Variants in ADRA1B observed in about 807,000 individuals in gnomAD.
ADRA1B encodes the protein alpha-1B adrenergic receptor.
In ADRA1B, 17 loss-of-function variants were observed where a neutral mutation model predicts 17.9. The ratio of observed to expected loss-of-function variants is 0.95; its 90% CI spans 0.65 to 1.42. ADRA1B has a LOEUF of 1.42. Ranked by LOEUF, ADRA1B falls within the 40% of genes most tolerant of loss-of-function variation. The pLI, the probability that ADRA1B is intolerant of heterozygous loss-of-function variation, is 0.00. For missense variants in ADRA1B, 681 were observed against 722.1 expected, an observed-to-expected ratio of 0.94 and a Z score of 0.65; for synonymous variants, 366 against 327.6, an observed-to-expected ratio of 1.12 and a Z score of -1.27.
At chr5:159,922,141 T>G (rs745318903) in intron 1 of ADRA1B, among the ~76,000 whole-genome samples, 4 of 152,224 alleles carry the variant, frequency 2.6e-5, no homozygotes, top group Non-Finnish European at 5.9e-5. Flanking sequence ...GGCCCCTGAT[T>G]GAAGAAGGCT....
chr5:159,904,392 T>C (rs545805897), intron 1 of ADRA1B, among the ~76,000 whole-genome samples: 66 of 152,286 alleles, frequency 4.3e-4, no homozygotes, highest in African/African-American at 1.5e-3. Flanking sequence ...ATAAGCTAGG[T>C]TCTAGGAGAC....
intron 1 of ADRA1B, among the ~76,000 whole-genome samples, chr5:159,901,342 A>G (rs1419952517): frequency 1.4e-5 from 2 of 146,972 alleles, no homozygotes; most frequent in East Asian, 4.2e-4. Context: ...CAAATAAGTC[A>G]AATAGAACCC....
chr5:159,912,238 G>A (rs1754234496), upstream of ADRA1B, among the ~76,000 whole-genome samples: 1 of 152,212 alleles, frequency 6.6e-6, no homozygotes, highest in South Asian at 2.1e-4. Context: ...TGGGCCCAGA[G>A]TGGTTAAGTG....
intron 1 of ADRA1B, among the ~76,000 whole-genome samples, chr5:159,932,427 G>T (rs562856210): frequency 6.6e-6 from 1 of 152,066 alleles, no homozygotes; most frequent in South Asian, 2.1e-4. Context: ...CAAAGTGCTG[G>T]GATTACAAGC....
At chr5:159,948,467 A>G in intron 1 of ADRA1B, 2 of 983,874 alleles carry the variant, frequency 2.0e-6, no homozygotes, top group Non-Finnish European at 2.4e-6. Context: ...TCAAAAAGTA[A>G]CTTTTACTGG....
intron 1 of ADRA1B, among the ~76,000 whole-genome samples, chr5:159,930,892 A>G (rs1435173393): frequency 6.6e-6 from 1 of 151,302 alleles, no homozygotes; most frequent in Non-Finnish European, 1.5e-5. Context: ...GGTGGGGACT[A>G]TTAAACATTT....
At chr5:159,885,399 G>A (rs1753912641) in intron 1 of ADRA1B, among the ~76,000 whole-genome samples, 1 of 152,142 alleles carries the variant, frequency 6.6e-6, no homozygotes, top group Middle Eastern at 3.2e-3. Context: ...CTGCCTACCA[G>A]TGATTGGTCA....
chr5:159,988,307 T>G, the ADRA1B span, among the ~76,000 whole-genome samples: 1 of 152,144 alleles, frequency 6.6e-6, no homozygotes, highest in Non-Finnish European at 1.5e-5. Flanking sequence ...CGGGAAAGAA[T>G]CCCACTGCTG....
intron 1 of ADRA1B, among the ~76,000 whole-genome samples, chr5:159,900,741 G>A (rs573926274): frequency 3.2e-4 from 48 of 152,346 alleles, no homozygotes; most frequent in African/African-American, 1.1e-3. Flanking sequence ...GCAGGTTGGG[G>A]GGTGGGCAGC....
In ADRA1B at chr5:159,917,817, C is replaced by CTTG; in HGVS notation, c.914_916dup (p.Leu305dup). 6.2e-7 allele frequency: 1 copy of CTTG among 1,612,144 alleles called. No homozygotes were observed. The highest frequency in any genetic ancestry group is 8.5e-7 in the Non-Finnish European group (1 of 1,179,434). Reference sequence around the variant, plus strand: ...TGGGCATTGTGGTCGGTATGTTCATCTTGTGCTGGCTACCCTTCTTCATCG... The same window carrying CTTG: ...TGGGCATTGTGGTCGGTATGTTCATCTTGTTGTGCTGGCTACCCTTCTTCATCG... On this transcript the variant is annotated inframe_insertion, in exon 1 of 2. Transcript: ENST00000306675.
At chr5:159,929,575 T>C (rs1754745543) in intron 1 of ADRA1B, among the ~76,000 whole-genome samples, 1 of 152,098 alleles carries the variant, frequency 6.6e-6, no homozygotes. Context: ...AGATTTTCTA[T>C]ACTTTTTTTC....
At chr5:159,982,818 G>A in the ADRA1B span, among the ~76,000 whole-genome samples, 1 of 152,296 alleles carries the variant, frequency 6.6e-6, no homozygotes, top group South Asian at 2.1e-4. Context: ...GAGGCACGAA[G>A]CCTGCTACCT....
At chr5:159,912,673 A>G (rs139145210), upstream of ADRA1B, among the ~76,000 whole-genome samples, 4 of 152,356 alleles carry the variant, frequency 2.6e-5, no homozygotes, top group East Asian at 1.9e-4. Context: ...TTGAATACCA[A>G]TGCTACTTAC....
At chr5:159,919,254 C>T (rs529326959) in intron 1 of ADRA1B, among the ~76,000 whole-genome samples, 15 of 152,318 alleles carry the variant, frequency 9.8e-5, no homozygotes, top group African/African-American at 2.6e-4. Context: ...ACTCCCCAGG[C>T]GTGATCACAT....
At chr5:159,911,399 G>T (rs1000282019) in intron 1 of ADRA1B, among the ~76,000 whole-genome samples, 1 of 152,098 alleles carries the variant, frequency 6.6e-6, no homozygotes, top group African/African-American at 2.4e-5. Context: ...TTCTCCGTCC[G>T]GCACCCTGTG....
At chr5:159,886,398 G>C (rs1339317431) in intron 1 of ADRA1B, among the ~76,000 whole-genome samples, 2 of 152,186 alleles carry the variant, frequency 1.3e-5, no homozygotes, top group African/African-American at 4.8e-5. Flanking sequence ...ACAGGAGCAA[G>C]ATCCTTGCCA....
chr5:159,865,493 T>C (rs1753642168), intron 1 of ADRA1B, among the ~76,000 whole-genome samples: 1 of 152,266 alleles, frequency 6.6e-6, no homozygotes, highest in African/African-American at 2.4e-5. Context: ...TCACTAATTC[T>C]CGCAATCTCT....
chr5:159,964,914 G>A (rs760360998), intron 1 of ADRA1B, among the ~76,000 whole-genome samples: 4 of 152,088 alleles, frequency 2.6e-5, no homozygotes, highest in Non-Finnish European at 5.9e-5. Flanking sequence ...AATGTGCCAG[G>A]TACTTACCAA....
intron 1 of ADRA1B, among the ~76,000 whole-genome samples, chr5:159,918,366 G>A (rs377396253): frequency 5.6e-4 from 86 of 152,306 alleles, no homozygotes; most frequent in African/African-American, 1.9e-3. Context: ...TGCAGAGGCT[G>A]CATTCTCTCC....
Sources: gnomAD v4.1 joint callset for allele counts (sites outside exome capture counted in the v4.1 genomes callset) on GRCh38, gnomAD v4.1.1 for gene constraint, MANE v1.5 for transcripts, NCBI Gene and HGNC (gene_info 2026-07-23, HGNC 2026-07-21) for gene names.